UNC5C: variants seen among roughly 807,000 people sequenced by gnomAD.
UNC5C encodes the protein netrin receptor UNC5C.
UNC5C carries 47 observed loss-of-function variants against 99.8 expected under a neutral mutation model. The observed-to-expected ratio is 0.47, with a 90% CI of 0.37 to 0.60. The LOEUF is 0.60. Among genes scored for constraint, UNC5C ranks in the 20% least tolerant of loss-of-function variants. The pLI, the probability that UNC5C is intolerant of heterozygous loss-of-function variation, is 0.00. For missense variants in UNC5C, 1,062 were observed against 1,165.9 expected, an observed-to-expected ratio of 0.91 and a Z score of 1.30; for synonymous variants, 487 against 452.2, an observed-to-expected ratio of 1.08 and a Z score of -0.98.
intron 1 of UNC5C, among the ~76,000 whole-genome samples, chr4:95,408,517 A>G (rs1745888426): frequency 6.6e-6 from 1 of 152,174 alleles, no homozygotes; most frequent in African/African-American, 2.4e-5. Context: ...TTAGATTTCT[A>G]AGGGAAATCT....
At chr4:95,394,424 C>T (rs1227345332) in intron 1 of UNC5C, among the ~76,000 whole-genome samples, 1 of 152,128 alleles carries the variant, frequency 6.6e-6, no homozygotes, top group Non-Finnish European at 1.5e-5. Context: ...CTTTTACCCA[C>T]CCTAACTGCC....
At chr4:95,366,955 A>G (rs1744591814) in intron 1 of UNC5C, among the ~76,000 whole-genome samples, 1 of 152,162 alleles carries the variant, frequency 6.6e-6, no homozygotes, top group Non-Finnish European at 1.5e-5. Flanking sequence ...TTAGGAAGTT[A>G]CATTTATAAT....
chr4:95,380,274 G>A lies in UNC5C; in HGVS notation c.125-44643C>T, dbSNP rs1042079457. ...TGGATTTAATGTTTAAAATAATATA[G>A]AACAGTTCAATTTATTTTAAAAAGT... is the stretch of plus-strand genomic sequence containing the variant. On this transcript the variant is annotated intron_variant, in intron 1 of 15. Coordinates refer to ENST00000453304, the MANE Select transcript of UNC5C (RefSeq NM_003728.4). Among the ~76,000 whole-genome samples the A allele has an allele frequency of 2.0e-5, 3 of 151,938 alleles. No homozygotes were observed. The East Asian group carries it at 5.8e-4, about 29-fold the overall frequency.
intron 1 of UNC5C, among the ~76,000 whole-genome samples, chr4:95,470,954 G>A (rs1366337550): frequency 6.6e-6 from 1 of 151,890 alleles, no homozygotes; most frequent in East Asian, 1.9e-4. Context: ...GCCATCATGA[G>A]TGTCAGGATA....
chr4:95,230,544 T>C (rs1057347599), intron 7 of UNC5C, among the ~76,000 whole-genome samples: 60 of 152,308 alleles, frequency 3.9e-4, no homozygotes, highest in African/African-American at 1.3e-3. Context: ...TGGTATTGCC[T>C]AGGTTTTCTT....
intron 1 of UNC5C, among the ~76,000 whole-genome samples, chr4:95,384,272 T>G (rs1745149217): frequency 6.6e-6 from 1 of 152,210 alleles, no homozygotes; most frequent in Non-Finnish European, 1.5e-5. Flanking sequence ...TGCTTATGGA[T>G]AGCCTCTATC....
At chr4:95,226,797 G>T (rs954230139) in intron 7 of UNC5C, among the ~76,000 whole-genome samples, 1 of 152,130 alleles carries the variant, frequency 6.6e-6, no homozygotes, top group Non-Finnish European at 1.5e-5. Context: ...TCTCAAGAGG[G>T]TGTTTGGAAA....
At chr4:95,520,851 C>T (rs915793784) in intron 1 of UNC5C, among the ~76,000 whole-genome samples, 2 of 152,006 alleles carry the variant, frequency 1.3e-5, no homozygotes, top group Non-Finnish European at 2.9e-5. Flanking sequence ...CCACCCGCCT[C>T]GGCCCCCAAA....
At chr4:95,405,120 T>G (rs758442094) in intron 1 of UNC5C, among the ~76,000 whole-genome samples, 9 of 152,204 alleles carry the variant, frequency 5.9e-5, no homozygotes, top group Non-Finnish European at 1.0e-4. Context: ...GAAAGCATCA[T>G]ATTGGCCCTC....
intron 1 of UNC5C, among the ~76,000 whole-genome samples, chr4:95,348,924 G>T (rs11932445): frequency 1.4e-5 from 2 of 142,432 alleles, no homozygotes; most frequent in African/African-American, 5.3e-5. Context: ...TAAAACAATC[G>T]AACTCATGGA....
intron 1 of UNC5C, among the ~76,000 whole-genome samples, chr4:95,496,012 A>T (rs1161529326): frequency 6.6e-6 from 1 of 151,758 alleles, no homozygotes; most frequent in Non-Finnish European, 1.5e-5. Context: ...TACATACGTT[A>T]TCCTATCTAC....
chr4:95,538,966 T>A (rs1722848262), intron 1 of UNC5C, among the ~76,000 whole-genome samples: 1 of 152,190 alleles, frequency 6.6e-6, no homozygotes, highest in Admixed American at 6.5e-5. Context: ...GCCACCAATA[T>A]GGCATATGAG....
At chr4:95,503,966 G>T (rs1440310631) in intron 1 of UNC5C, among the ~76,000 whole-genome samples, 1 of 152,038 alleles carries the variant, frequency 6.6e-6, no homozygotes, top group Non-Finnish European at 1.5e-5. Context: ...CTAATTATCA[G>T]TTCACATCAG....
chr4:95,307,135 A>C (rs1484193741), intron 2 of UNC5C, among the ~76,000 whole-genome samples: 1 of 152,174 alleles, frequency 6.6e-6, no homozygotes, highest in African/African-American at 2.4e-5. Context: ...TAAAAGGCAG[A>C]ATTTCAGAAT....
intron 1 of UNC5C, among the ~76,000 whole-genome samples, chr4:95,543,923 A>C (rs1722989909): frequency 6.6e-6 from 1 of 152,162 alleles, no homozygotes; most frequent in African/African-American, 2.4e-5. Context: ...GTTTACAATG[A>C]TCTACTCCGC....
At chr4:95,411,516 T>G (rs1416577157) in intron 1 of UNC5C, among the ~76,000 whole-genome samples, 1 of 152,224 alleles carries the variant, frequency 6.6e-6, no homozygotes, top group African/African-American at 2.4e-5. Context: ...TCTGGTTTCC[T>G]GATTTTCAAA....
chr4:95,525,151 A>G (rs1722464152), intron 1 of UNC5C, among the ~76,000 whole-genome samples: 1 of 152,188 alleles, frequency 6.6e-6, no homozygotes, highest in Non-Finnish European at 1.5e-5. Flanking sequence ...TAACATACAT[A>G]AGAGCAGCAA....
chr4:95,412,620 A>G (rs897767855), intron 1 of UNC5C, among the ~76,000 whole-genome samples: 13 of 152,328 alleles, frequency 8.5e-5, no homozygotes, highest in African/African-American at 2.9e-4. Flanking sequence ...TGTGAAGTCA[A>G]TTGTCTCCCC....
intron 4 of UNC5C, among the ~76,000 whole-genome samples, chr4:95,255,915 A>G (rs1739962198): frequency 6.6e-6 from 1 of 152,008 alleles, no homozygotes; most frequent in African/African-American, 2.4e-5. Flanking sequence ...GCCCGCTCTA[A>G]TCTGTGTTCA....
Sources: gnomAD v4.1 joint callset for allele counts (sites outside exome capture counted in the v4.1 genomes callset) on GRCh38, gnomAD v4.1.1 for gene constraint, MANE v1.5 for transcripts, NCBI Gene and HGNC (gene_info 2026-07-23, HGNC 2026-07-21) for gene names.